The following LGSN variants were observed in gnomAD, a reference collection of about 807,000 sequenced individuals.
The protein encoded by LGSN is lengsin.
In LGSN, 21 loss-of-function variants were observed where a neutral mutation model predicts 19.5. That is an observed-to-expected ratio of 1.07 (90% CI 0.76 to 1.55). The LOEUF is 1.55. Among genes scored for constraint, LGSN ranks in the 40% most tolerant of loss-of-function variants. The pLI is 0.00. For synonymous variants in LGSN, 257 were observed against 215.6 expected, an observed-to-expected ratio of 1.19 and a Z score of -1.68; for missense variants, 673 against 608.5, an observed-to-expected ratio of 1.11 and a Z score of -1.12.
the LGSN span, among the ~76,000 whole-genome samples, chr6:63,489,699 C>T: frequency 4.6e-5 from 7 of 151,354 alleles, no homozygotes; most frequent in Admixed American, 6.6e-5. Context: ...TATTTATTTA[C>T]TTATTTATTT....
the LGSN span, among the ~76,000 whole-genome samples, chr6:63,403,946 T>TTCTC: frequency 2.6e-4 from 39 of 148,256 alleles, 1 homozygote; most frequent in East Asian, 2.2e-3. Flanking sequence ...GCCTCTCTCT[T>TTCTC]TCTCTCTCTC....
At chr6:63,431,689 TG>T in the LGSN span, among the ~76,000 whole-genome samples, 3 of 152,226 alleles carry the variant, frequency 2.0e-5, no homozygotes, top group African/African-American at 7.2e-5. Context: ...TTTAACTAAA[TG>T]TAACATCTTA....
At chr6:63,367,512 C>A in the LGSN span, among the ~76,000 whole-genome samples, 46 of 151,946 alleles carry the variant, frequency 3.0e-4, no homozygotes, top group East Asian at 7.2e-3. Flanking sequence ...ACTAGTTCAA[C>A]CATTGTGGAA....
chr6:63,549,133 C>A, the LGSN span: 3 of 687,614 alleles, frequency 4.4e-6, no homozygotes, highest in Non-Finnish European at 7.9e-6. Flanking sequence ...GGGATGCCCC[C>A]TTTGCCAGCA....
the LGSN span, among the ~76,000 whole-genome samples, chr6:63,490,758 T>A: frequency 1.3e-5 from 2 of 152,138 alleles, no homozygotes; most frequent in African/African-American, 4.8e-5. Flanking sequence ...GTATCATGCC[T>A]ATGGAGGCTG....
At chr6:63,521,061 C>T in the LGSN span, among the ~76,000 whole-genome samples, 1 of 151,502 alleles carries the variant, frequency 6.6e-6, no homozygotes, top group African/African-American at 2.4e-5. Flanking sequence ...GGGAGGTGAA[C>T]ATCATATACT....
chr6:63,529,549 AT>A, the LGSN span, among the ~76,000 whole-genome samples: 1 of 151,932 alleles, frequency 6.6e-6, no homozygotes, highest in Non-Finnish European at 1.5e-5. Flanking sequence ...CTCGCTTTTA[AT>A]TCTCACCCCT....
chr6:63,566,979 A>T, the LGSN span, among the ~76,000 whole-genome samples: 1 of 152,216 alleles, frequency 6.6e-6, no homozygotes, highest in Non-Finnish European at 1.5e-5. Context: ...CTCCTTCATA[A>T]GAAGCAACTC....
the LGSN span, among the ~76,000 whole-genome samples, chr6:63,336,519 CTGTGTGTGTGTGTG>C: frequency 5.1e-4 from 68 of 132,118 alleles, 1 homozygote; most frequent in East Asian, 3.3e-3. Flanking sequence ...TATAGAATAT[CTGTGTGTGTGTGTG>C]TGTGTGTGTG....
At chr6:63,477,063 G>T in the LGSN span, among the ~76,000 whole-genome samples, 2 of 152,258 alleles carry the variant, frequency 1.3e-5, 1 homozygote, top group South Asian at 4.1e-4. Context: ...TCTAACATTT[G>T]CTCTACTGTT....
chr6:63,378,045 A>G, the LGSN span, among the ~76,000 whole-genome samples: 1 of 146,558 alleles, frequency 6.8e-6, no homozygotes, highest in South Asian at 2.1e-4. Context: ...AAAAAAAAAA[A>G]AAAAAAGAAA....
chr6:63,351,435 AAGAGAG>A, the LGSN span, among the ~76,000 whole-genome samples: 30 of 146,778 alleles, frequency 2.0e-4, no homozygotes, highest in African/African-American at 7.3e-4. Flanking sequence ...GAGAGAGAGG[AAGAGAG>A]AGAGAGAGAG....
the LGSN span, among the ~76,000 whole-genome samples, chr6:63,340,840 G>T: frequency 4.6e-4 from 66 of 143,490 alleles, no homozygotes; most frequent in African/African-American, 1.6e-3. Flanking sequence ...TTTATGGTTT[G>T]TGTGTGTGTG....
rs749998186 is a variant in LGSN at position 63,280,203 on chromosome 6, C to T, written c.1348G>A (p.Val450Met). Residue 450 changes from valine to methionine, a missense_variant, in exon 4 of 4, where the codon GTG becomes ATG. Val to Met is a conservative substitution (Grantham distance 21, BLOSUM62 1). Transcript: ENST00000370657. ...GPDESTDFYQVEPSEIPLKLE... is the reference protein window; with the variant it reads ...GPDESTDFYQMEPSEIPLKLE... ...TTTAAAGGGATCTCAGAAGGTTCCA[C>T]TTGGTAAAAGTCTGTGCTCTCATCT... is the stretch of plus-strand genomic sequence containing the variant. The T allele has an allele frequency of 6.2e-7, 1 of 1,614,218 alleles. No homozygotes were observed. The highest frequency in any genetic ancestry group is 1.1e-5 in the South Asian group (1 of 91,086).
the LGSN span, among the ~76,000 whole-genome samples, chr6:63,372,908 C>A: frequency 6.6e-6 from 1 of 152,102 alleles, no homozygotes; most frequent in Non-Finnish European, 1.5e-5. Flanking sequence ...TGTGCACATA[C>A]CAAAAAATTA....
chr6:63,333,576 GAGGA>G, the LGSN span, among the ~76,000 whole-genome samples: 72 of 124,708 alleles, frequency 5.8e-4, no homozygotes, highest in South Asian at 6.4e-3. Context: ...GAGAGAGAGA[GAGGA>G]AGGAAGGAAG....
At chr6:63,566,388 C>T in the LGSN span, among the ~76,000 whole-genome samples, 1 of 152,114 alleles carries the variant, frequency 6.6e-6, no homozygotes, top group Non-Finnish European at 1.5e-5. Flanking sequence ...GAATTCGGCT[C>T]AGGGTCGGGG....
chr6:63,315,902 TG>T (rs1010819258), intron 1 of LGSN, among the ~76,000 whole-genome samples: 6 of 149,196 alleles, frequency 4.0e-5, no homozygotes, highest in African/African-American at 1.5e-4. Flanking sequence ...ACATTTCAAG[TG>T]AGAGTTCAAT....
rs1479730842 is a variant in LGSN at position 63,276,073 on chromosome 6, A to C, written c.*3948T>G. ...CTTTAACAGGGAAGGCACTGTGCAC[A>C]TAGGTAATGTTTAAAGACACAAATT... On this transcript the variant is annotated 3_prime_UTR_variant, in exon 4 of 4. Transcript: ENST00000370657. 2.0e-5 allele frequency: 3 copies of C among 152,220 alleles called. No homozygotes were observed. The highest frequency in any genetic ancestry group is 6.5e-5 in the Admixed American group (1 of 15,280). The allele number at this position is 152,220 out of a possible 1,614,324, so 9.4% of individuals were successfully genotyped here. A position where few individuals can be genotyped will look rare whatever the true frequency, so the allele number is the denominator to read the frequency against.
Sources: allele counts gnomAD v4.1 joint callset (sites outside exome capture counted in the v4.1 genomes callset), GRCh38; gene constraint gnomAD v4.1.1; transcripts MANE v1.5; gene names NCBI Gene and HGNC (gene_info 2026-07-23, HGNC 2026-07-21).